ZNF436: variants seen among roughly 807,000 people sequenced by gnomAD.
ZNF436 encodes the protein zinc finger protein 436.
A neutral mutation model predicts 41.9 loss-of-function variants in ZNF436; 22 were observed. The observed-to-expected ratio is 0.53, with a 90% CI of 0.38 to 0.75. The LOEUF (loss-of-function observed/expected upper bound fraction) is 0.75. Among genes scored for constraint, ZNF436 ranks in the 30% least tolerant of loss-of-function variants. The pLI, the probability that ZNF436 is intolerant of heterozygous loss-of-function variation, is 0.00. For synonymous variants in ZNF436, 217 were observed against 197.8 expected (o/e 1.10, Z -0.82); for missense variants, 506 against 587.3 (o/e 0.86, Z 1.43).
At chr1:23,363,307 T>TA in intron 3 of ZNF436, 86 bp from the exon 4 acceptor site, 2 of 953,482 alleles carry the variant, frequency 2.1e-6, no homozygotes, top group Non-Finnish European at 3.0e-6. Flanking sequence ...TTTTTTTTTT[T>TA]AGACAGAGTC....
In ZNF436 at chr1:23,369,366, C is replaced by T; in HGVS notation, c.-61G>A. 2 of 534,542 alleles carry T rather than the reference C, an allele frequency of 3.7e-6. No individual in the cohort carries two copies. Among genetic ancestry groups the T allele is most frequent in the South Asian group, 1.4e-5 (1 of 71,584 alleles). The allele number at this position is 534,542 out of a possible 1,614,324, so 33.1% of individuals were successfully genotyped here. A position where few individuals can be genotyped will look rare whatever the true frequency, so the allele number is the denominator to read the frequency against. On this transcript the variant is annotated splice_region_variant and 5_prime_UTR_variant, in exon 1 of 4. Transcript: ENST00000314011. ...CCGAGTGGGGGACGAACAGACTTACCTCCTGTCCCGCAAAAGATCCACTAG... is the reference window on the plus strand; with the variant it reads ...CCGAGTGGGGGACGAACAGACTTACTTCCTGTCCCGCAAAAGATCCACTAG...
In ZNF436 at chr1:23,363,027, G is replaced by A; in HGVS notation, c.355C>T (p.Leu119Phe). Residue 119 changes from leucine to phenylalanine, a missense_variant, in exon 4 of 4, where the codon CTC becomes TTC. Around this residue, in one of 2 missense-constraint regions of ZNF436, gnomAD observed 228 missense variants for 215.1 expected, o/e 1.06. Coordinates refer to ENST00000314011, the MANE Select transcript of ZNF436 (RefSeq NM_001077195.2). Reference sequence around the variant, plus strand: ...ACAAGTAGATCAGTGACTGGTTGGAGAGGATAGCTTACCCACTCTTCTGCT... The same window carrying A: ...ACAAGTAGATCAGTGACTGGTTGGAAAGGATAGCTTACCCACTCTTCTGCT... ...LTAEEWVSYP[L>F]QPVTDLLVHK... 2 of 1,614,198 alleles carry A rather than the reference G, an allele frequency of 1.2e-6. No homozygotes were observed. The highest frequency in any genetic ancestry group is 1.3e-5 in the African/African-American group (1 of 75,056).
At chr1:23,367,304 A>C in intron 2 of ZNF436, 136 bp from the exon 3 acceptor site, 3 of 1,055,760 alleles carry the variant, frequency 2.8e-6, no homozygotes, top group Non-Finnish European at 3.9e-6. Flanking sequence ...ACAAGCAAAA[A>C]AGAGATGTGG....
Position 23,360,630 on chromosome 1 carries a change from T to C in ZNF436, c.*1339A>G, listed in dbSNP as rs1002047627. ...CCTACCGAGGTTCGTTAATTCCTTC[T>C]GACTAAGCCAAAGAGTTCTTCATTA... On this transcript the variant is annotated 3_prime_UTR_variant, in exon 4 of 4. Transcript: ENST00000314011. The C allele has an allele frequency of 2.0e-4, 30 of 152,632 alleles. No homozygotes were observed. The highest frequency in any genetic ancestry group is 6.3e-4 in the African/African-American group (26 of 41,468). The allele number at this position is 152,632 out of a possible 1,614,324, so 9.5% of individuals were successfully genotyped here.
Position 23,361,817 on chromosome 1 carries a change from G to T in ZNF436, c.*152C>A. On this transcript the variant is annotated 3_prime_UTR_variant, in exon 4 of 4. Transcript: ENST00000314011. Reference sequence around the variant, plus strand: ...ATAACATTCCCAAAGCTGAGGGTCAGAATTTCAAATGGCTTGTCATCTCTG... The same window carrying T: ...ATAACATTCCCAAAGCTGAGGGTCATAATTTCAAATGGCTTGTCATCTCTG... 1.3e-6 allele frequency: 1 copy of T among 783,730 alleles called. No individual in the cohort carries two copies. Among genetic ancestry groups the T allele is most frequent in the Non-Finnish European group, 1.9e-6 (1 of 521,120 alleles). 48.5% of individuals were successfully genotyped at this position (783,730 alleles called of 1,614,324 possible).
At chr1:23,367,381 G>C (rs1392605225) in intron 2 of ZNF436, among the ~76,000 whole-genome samples, 1 of 152,308 alleles carries the variant, frequency 6.6e-6, no homozygotes, top group Non-Finnish European at 1.5e-5. Flanking sequence ...GCCCCACTCA[G>C]GAACTTTATC....
chr1:23,368,263 A>T (rs143010893), intron 1 of ZNF436, 198 bp from the exon 2 acceptor site: 240 of 515,834 alleles, frequency 4.7e-4, no homozygotes, highest in African/African-American at 4.4e-3. Flanking sequence ...ATCTACTAGG[A>T]CAGCCCCCTG....
Position 23,362,547 on chromosome 1 carries a change from C to T in ZNF436, c.835G>A (p.Glu279Lys). The T allele has an allele frequency of 6.2e-7, 1 of 1,613,998 alleles. No homozygotes were observed. The highest frequency in any genetic ancestry group is 8.5e-7 in the Non-Finnish European group (1 of 1,180,006). ...AAGCCTCGGCCACATTCGTTACATT[C>T]ATAAGGTTTCTCACCCGTGTGGGTC... ...QRTHTGEKPY[E>K]CNECGRGFSE... The change falls in exon 4 of 4, where the codon GAA becomes AAA. Residue 279 changes from glutamate to lysine, a missense_variant. By Grantham distance (56) the Glu-to-Lys change is moderately conservative (BLOSUM62 1). Coordinates refer to ENST00000314011, the MANE Select transcript of ZNF436 (RefSeq NM_001077195.2).
In ZNF436 at chr1:23,361,812, G is replaced by T; in HGVS notation, c.*157C>A. 1.4e-6 allele frequency: 1 copy of T among 720,718 alleles called. No homozygotes were observed. The highest frequency in any genetic ancestry group is 2.1e-6 in the Non-Finnish European group (1 of 465,596). 44.6% of individuals were successfully genotyped at this position (720,718 alleles called of 1,614,324 possible). On this transcript the variant is annotated 3_prime_UTR_variant, in exon 4 of 4. Transcript: ENST00000314011. ...AGGAGATAACATTCCCAAAGCTGAG[G>T]GTCAGAATTTCAAATGGCTTGTCAT... is the stretch of plus-strand genomic sequence containing the variant.
chr1:23,360,827 A>C lies in ZNF436; in HGVS notation c.*1142T>G, dbSNP rs1393519420. The C allele has an allele frequency of 1.3e-5, 2 of 152,672 alleles. No individual in the cohort carries two copies. The highest frequency in any genetic ancestry group is 2.9e-5 in the Non-Finnish European group (2 of 68,048). The allele number at this position is 152,672 out of a possible 1,614,324, so 9.5% of individuals were successfully genotyped here. On this transcript the variant is annotated 3_prime_UTR_variant, in exon 4 of 4. Coordinates refer to ENST00000314011, the MANE Select transcript of ZNF436 (RefSeq NM_001077195.2). ...TTTAAATTATTTTCCATAATGAAAAAAGGACATTTCTCACATTGGAGTTAT... is the reference window on the plus strand; with the variant it reads ...TTTAAATTATTTTCCATAATGAAAACAGGACATTTCTCACATTGGAGTTAT...
At position 23,369,400 on chromosome 1, in the gene ZNF436, C is replaced by T. The variant is rs915511907; in HGVS notation, c.-95G>A. 11 of 534,594 alleles carry T rather than the reference C, an allele frequency of 2.1e-5. No individual in the cohort carries two copies. Among genetic ancestry groups the T allele is most frequent in the Non-Finnish European group, 3.8e-5 (10 of 260,034 alleles). The allele number at this position is 534,594 out of a possible 1,614,324, so 33.1% of individuals were successfully genotyped here. On this transcript the variant is annotated 5_prime_UTR_variant, in exon 1 of 4. Transcript: ENST00000314011. ...CGCAAAAGATCCACTAGATCGTCGT[C>T]TCCAAAACCTGAGAGACCGCGAACG...
intron 1 of ZNF436, 63 bp from the exon 2 acceptor site, chr1:23,368,128 T>C: frequency 8.8e-7 from 1 of 1,137,978 alleles, no homozygotes; most frequent in Non-Finnish European, 1.3e-6. Context: ...TCCCCAGGGC[T>C]GGAGTTCTGG....
chr1:23,369,260 C>G (rs747121728), intron 1 of ZNF436, 106 bp downstream of exon 1: 14 of 457,300 alleles, frequency 3.1e-5, no homozygotes, highest in Admixed American at 2.6e-4. Context: ...CGAAGGGACC[C>G]TGGGCGTCTG....
Position 23,362,673 on chromosome 1 carries a change from G to A in ZNF436, c.709C>T (p.Leu237=). 6.2e-7 allele frequency: 1 copy of A among 1,614,078 alleles called. No homozygotes were observed. Among genetic ancestry groups the A allele is most frequent in the Non-Finnish European group, 8.5e-7 (1 of 1,180,014 alleles). Reference sequence around the variant, plus strand: ...CTGTGGGTCCTTTGGTGTTGGATTAGGTGAGAGAGACGGCAGAAACTTTTT... The same window carrying A: ...CTGTGGGTCCTTTGGTGTTGGATTAAGTGAGAGAGACGGCAGAAACTTTTT... The part of the protein sequence containing the change: ...CGKSFCRLSH[L]IQHQRTHSGE... The change falls in exon 4 of 4, where the codon CTA becomes TTA. Residue 237 remains leucine (L), a synonymous_variant. Transcript: ENST00000314011.
chr1:23,368,597 A>G (rs1450097501), intron 1 of ZNF436, among the ~76,000 whole-genome samples: 1 of 152,238 alleles, frequency 6.6e-6, no homozygotes, highest in Non-Finnish European at 1.5e-5. Context: ...AGGGTGAAAA[A>G]GTAAGCGCGT....
At chr1:23,363,330 C>T in intron 3 of ZNF436, 109 bp from the exon 4 acceptor site, 1 of 897,816 alleles carries the variant, frequency 1.1e-6, no homozygotes, top group Non-Finnish European at 1.6e-6. Flanking sequence ...ACTGTGTTGC[C>T]TTGGCTGGAG....
At chr1:23,364,217 T>A (rs1638307920) in intron 3 of ZNF436, among the ~76,000 whole-genome samples, 1 of 152,144 alleles carries the variant, frequency 6.6e-6, no homozygotes, top group Non-Finnish European at 1.5e-5. Context: ...AAGAAGCCAC[T>A]ATGTTTTTGT....
chr1:23,363,656 C>T (rs985807965), intron 3 of ZNF436, among the ~76,000 whole-genome samples: 1 of 152,182 alleles, frequency 6.6e-6, no homozygotes, highest in Non-Finnish European at 1.5e-5. Flanking sequence ...AATTGACTTG[C>T]TCAAGGCCAT....
chr1:23,368,641 T>G (rs746584273), intron 1 of ZNF436, among the ~76,000 whole-genome samples: 1 of 152,210 alleles, frequency 6.6e-6, no homozygotes, highest in African/African-American at 2.4e-5. Flanking sequence ...CTCGCTTTTT[T>G]CTTATGGAGA....
Sources: allele counts gnomAD v4.1 joint callset (sites outside exome capture counted in the v4.1 genomes callset), GRCh38; gene constraint gnomAD v4.1.1; regional missense constraint gnomAD v4.1.1; transcripts MANE v1.5; gene names NCBI Gene and HGNC (gene_info 2026-07-23, HGNC 2026-07-21).